Variants in CLIC4 observed in about 807,000 individuals in gnomAD.
The protein encoded by CLIC4 is CLIC family member 4.
A neutral mutation model predicts 24.6 loss-of-function variants in CLIC4; 13 were observed. The ratio of observed to expected loss-of-function variants is 0.53; its 90% confidence interval spans 0.34 to 0.84. The LOEUF is 0.84. Ranked by LOEUF, CLIC4 falls within the 40% of genes least tolerant of loss-of-function variation. The probability of loss-of-function intolerance (pLI) is 0.01; values close to 1 mark genes in which losing one functional copy is unlikely to be tolerated. For missense variants in CLIC4, 227 were observed against 301.7 expected (o/e 0.75, Z 1.83); for synonymous variants, 104 against 111.3 (o/e 0.93, Z 0.41).
intron 4 of CLIC4, among the ~76,000 whole-genome samples, chr1:24,835,327 C>T (rs901730065): frequency 1.3e-5 from 2 of 152,210 alleles, no homozygotes; most frequent in African/African-American, 4.8e-5. Context: ...CTTGGGGAGG[C>T]CAAGGCAGGT....
intron 1 of CLIC4, among the ~76,000 whole-genome samples, chr1:24,774,393 A>G (rs1050461004): frequency 6.6e-6 from 1 of 152,256 alleles, no homozygotes; most frequent in African/African-American, 2.4e-5. Flanking sequence ...AAATAGTTGT[A>G]TCTGAAAATG....
intron 1 of CLIC4, among the ~76,000 whole-genome samples, chr1:24,787,065 G>A (rs541716764): frequency 6.6e-6 from 1 of 152,174 alleles, no homozygotes; most frequent in Non-Finnish European, 1.5e-5. Flanking sequence ...GGGACCACAG[G>A]CATGAGCCAC....
intron 1 of CLIC4, among the ~76,000 whole-genome samples, chr1:24,753,985 C>G (rs1638811060): frequency 6.6e-6 from 1 of 152,144 alleles, no homozygotes; most frequent in Non-Finnish European, 1.5e-5. Flanking sequence ...AATATTCAGA[C>G]AATATTACCT....
chr1:24,842,909 T>C lies in CLIC4; in HGVS notation c.*1972T>C, dbSNP rs1639957324. ...TCTGGTGATTCTGAACCTTGCCTCA[T>C]AGCTTAAAGTATAAAAAAGATTCAA... On this transcript the variant is annotated 3_prime_UTR_variant, in exon 6 of 6. Transcript: ENST00000374379. The C allele has an allele frequency of 6.6e-6, 1 of 152,190 alleles. No homozygotes were observed. The highest frequency in any genetic ancestry group is 6.5e-5 in the Admixed American group (1 of 15,276). The allele number at this position is 152,190 out of a possible 1,614,324, so 9.4% of individuals were successfully genotyped here. A position where few individuals can be genotyped will look rare whatever the true frequency, so the allele number is the denominator to read the frequency against.
intron 1 of CLIC4, among the ~76,000 whole-genome samples, chr1:24,764,032 C>T (rs1638962226): frequency 6.6e-6 from 1 of 152,226 alleles, no homozygotes; most frequent in East Asian, 1.9e-4. Flanking sequence ...GTTGATAGAC[C>T]TTAACCTACT....
intron 1 of CLIC4, among the ~76,000 whole-genome samples, chr1:24,766,362 C>G (rs950848500): frequency 2.6e-5 from 4 of 151,212 alleles, no homozygotes; most frequent in African/African-American, 9.7e-5. Context: ...GAAATCCTGA[C>G]CTCAAATGAT....
At chr1:24,794,347 A>G (rs956398848) in intron 1 of CLIC4, among the ~76,000 whole-genome samples, 31 of 107,296 alleles carry the variant, frequency 2.9e-4, no homozygotes, top group African/African-American at 7.4e-4. Flanking sequence ...CTTTGCCAGC[A>G]TCTGTTTTTT....
chr1:24,757,947 T>G (rs1208097840), intron 1 of CLIC4, among the ~76,000 whole-genome samples: 1 of 151,820 alleles, frequency 6.6e-6, no homozygotes, highest in Non-Finnish European at 1.5e-5. Flanking sequence ...TTTATAGAGA[T>G]GGGGTTTCTC....
At chr1:24,761,920 A>G (rs1395756806) in intron 1 of CLIC4, among the ~76,000 whole-genome samples, 1 of 152,166 alleles carries the variant, frequency 6.6e-6, no homozygotes, top group African/African-American at 2.4e-5. Context: ...GTTGCCGTTC[A>G]TGGAGAGGGA....
intron 5 of CLIC4, 75 bp from the exon 6 acceptor site, chr1:24,840,698 T>C: frequency 1.6e-6 from 2 of 1,248,108 alleles, no homozygotes; most frequent in South Asian, 1.6e-5. Context: ...AATTATTTGC[T>C]CCAAAATCAG....
chr1:24,824,019 C>T (rs1443144617), intron 3 of CLIC4, among the ~76,000 whole-genome samples: 1 of 152,140 alleles, frequency 6.6e-6, no homozygotes, highest in Non-Finnish European at 1.5e-5. Context: ...TATTATTTGC[C>T]TCCCTTTTGC....
intron 4 of CLIC4, among the ~76,000 whole-genome samples, chr1:24,839,182 C>T (rs1304502024): frequency 6.6e-6 from 1 of 152,130 alleles, no homozygotes; most frequent in Non-Finnish European, 1.5e-5. Flanking sequence ...AAAAATCTGC[C>T]TCTAAGATTT....
At chr1:24,804,007 C>A (rs1348211591) in intron 2 of CLIC4, among the ~76,000 whole-genome samples, 1 of 152,134 alleles carries the variant, frequency 6.6e-6, no homozygotes, top group African/African-American at 2.4e-5. Context: ...AGAAAAAAAT[C>A]TGATTCCCAA....
chr1:24,827,997 G>A (rs542625580), intron 4 of CLIC4, among the ~76,000 whole-genome samples: 2 of 152,206 alleles, frequency 1.3e-5, no homozygotes, highest in Non-Finnish European at 2.9e-5. Context: ...CATAGTTCCA[G>A]ATAGTTTCCT....
chr1:24,809,005 T>C (rs1335689614), intron 2 of CLIC4, among the ~76,000 whole-genome samples: 2 of 152,088 alleles, frequency 1.3e-5, no homozygotes, highest in Non-Finnish European at 2.9e-5. Flanking sequence ...GATCCTCAGT[T>C]GGTTGAATCC....
rs914671802 is a variant in CLIC4 at position 24,842,554 on chromosome 1, A to T, written c.*1617A>T. The T allele has an allele frequency of 1.3e-5, 2 of 152,152 alleles. No homozygotes were observed. Among genetic ancestry groups the T allele is most frequent in the Non-Finnish European group, 2.9e-5 (2 of 68,010 alleles). The allele number at this position is 152,152 out of a possible 1,614,324, so 9.4% of individuals were successfully genotyped here. A position where few individuals can be genotyped will look rare whatever the true frequency, so the allele number is the denominator to read the frequency against. On this transcript the variant is annotated 3_prime_UTR_variant, in exon 6 of 6. Transcript: ENST00000374379. ...TATGAAAGCGGCTTTTTATAAGTAT[A>T]CTGCATTTTTTGAGCCTATCATTAA...
chr1:24,822,307 C>T (rs748950135), intron 3 of CLIC4, among the ~76,000 whole-genome samples: 1 of 149,606 alleles, frequency 6.7e-6, no homozygotes, highest in East Asian at 2.0e-4. Context: ...ACAAGTGGGA[C>T]CAAAGGTGGT....
In CLIC4 at chr1:24,826,996, C is replaced by CT; in HGVS notation, c.309-9dup. The CT allele has an allele frequency of 6.4e-7, 1 of 1,567,032 alleles. No individual in the cohort carries two copies. The highest frequency in any genetic ancestry group is 1.4e-5 in the African/African-American group (1 of 73,340). On this transcript the variant is annotated splice_polypyrimidine_tract_variant and intron_variant, in intron 3 of 5. Transcript: ENST00000374379. ...TTTGAAGGATCTATAATCCATATCA[C>CT]TTTTTCTATTTAGGTACTTAAAGCT...
chr1:24,752,713 A>G (rs878877152), intron 1 of CLIC4, among the ~76,000 whole-genome samples: 1 of 152,136 alleles, frequency 6.6e-6, no homozygotes, highest in Admixed American at 6.6e-5. Flanking sequence ...TTTGTCATCG[A>G]TAATAGTTTA....
Sources: gnomAD v4.1 joint callset for allele counts (sites outside exome capture counted in the v4.1 genomes callset) on GRCh38, gnomAD v4.1.1 for gene constraint, MANE v1.5 for transcripts, NCBI Gene and HGNC (gene_info 2026-07-23, HGNC 2026-07-21) for gene names.